Variants in RAB2A observed in about 807,000 individuals in gnomAD.
The protein encoded by RAB2A is ras-related protein Rab-2A.
In RAB2A, 7 loss-of-function variants were observed where a neutral mutation model predicts 32.5. That is an observed-to-expected ratio of 0.22 (90% CI 0.12 to 0.40). RAB2A has a LOEUF of 0.40. Ranked by LOEUF, RAB2A falls within the 10% of genes least tolerant of loss-of-function variation. The pLI, the probability that RAB2A is intolerant of heterozygous loss-of-function variation, is 1.00. For synonymous variants in RAB2A, 79 were observed against 85.2 expected (o/e 0.93, Z 0.40); for missense variants, 108 against 260.7 (o/e 0.41, Z 4.03).
At chr8:60,546,467 GGA>G (rs1468664031) in intron 1 of RAB2A, among the ~76,000 whole-genome samples, 2 of 152,150 alleles carry the variant, frequency 1.3e-5, no homozygotes, top group Non-Finnish European at 2.9e-5. Context: ...CTCCAAACAG[GGA>G]GAGAGGGCTG....
At chr8:60,612,964 C>T (rs543848670) in intron 6 of RAB2A, among the ~76,000 whole-genome samples, 216 of 152,282 alleles carry the variant, frequency 1.4e-3, no homozygotes, top group Non-Finnish European at 2.5e-3. Flanking sequence ...ACGAGTTTTT[C>T]TTCACTGACC....
chr8:60,605,788 GCTAA>G (rs898210966), intron 6 of RAB2A, among the ~76,000 whole-genome samples: 1 of 147,666 alleles, frequency 6.8e-6, no homozygotes, highest in South Asian at 2.1e-4. Context: ...CTTGAAAGTA[GCTAA>G]CTATTTATTT....
intron 1 of RAB2A, among the ~76,000 whole-genome samples, chr8:60,518,584 A>T (rs2130801841): frequency 9.2e-6 from 1 of 108,468 alleles, no homozygotes; most frequent in Non-Finnish European, 1.7e-5. Flanking sequence ...TGAGCCCGGA[A>T]GGTGGAGTTT....
At chr8:60,573,085 T>TCAGC (rs55755153) in intron 3 of RAB2A, among the ~76,000 whole-genome samples, 1 of 151,742 alleles carries the variant, frequency 6.6e-6, no homozygotes, top group Non-Finnish European at 1.5e-5. Flanking sequence ...ACACAAATAG[T>TCAGC]TGGGAAATGG....
intron 1 of RAB2A, among the ~76,000 whole-genome samples, chr8:60,530,200 GT>G: frequency 6.7e-6 from 1 of 148,936 alleles, no homozygotes; most frequent in Non-Finnish European, 1.5e-5. Context: ...CCAGGCTGGA[GT>G]GCAGTGACAC....
chr8:60,562,385 C>G (rs577053806), intron 2 of RAB2A, among the ~76,000 whole-genome samples: 19 of 152,288 alleles, frequency 1.2e-4, no homozygotes, highest in African/African-American at 4.3e-4. Flanking sequence ...GAAGTCCCAT[C>G]TTTTTACCTG....
chr8:60,620,923 G>T lies in RAB2A; in HGVS notation c.*154G>T. ...AATTCTTGTATAACTTTGAATAAAT[G>T]GTTAATGTTCACTTAAAAGACAGAT... is the stretch of plus-strand genomic sequence containing the variant. On this transcript the variant is annotated 3_prime_UTR_variant, in exon 8 of 8. Transcript: ENST00000262646. The T allele has an allele frequency of 6.8e-6, 4 of 591,414 alleles. No homozygotes were observed. The highest frequency in any genetic ancestry group is 5.0e-5 in the South Asian group (2 of 40,270). 36.6% of individuals were successfully genotyped at this position (591,414 alleles called of 1,614,324 possible).
chr8:60,620,371 T>G (rs1308942612), intron 7 of RAB2A, among the ~76,000 whole-genome samples: 1 of 152,252 alleles, frequency 6.6e-6, no homozygotes, highest in African/African-American at 2.4e-5. Flanking sequence ...AAAGATTACT[T>G]GCAATAATTA....
chr8:60,591,242 G>T (rs1803939118), intron 5 of RAB2A, among the ~76,000 whole-genome samples: 1 of 150,292 alleles, frequency 6.7e-6, no homozygotes, highest in Non-Finnish European at 1.5e-5. Flanking sequence ...TGCTTTCATT[G>T]GAAATTTCTA....
chr8:60,546,565 C>G (rs1243904643), intron 1 of RAB2A, among the ~76,000 whole-genome samples: 4 of 152,196 alleles, frequency 2.6e-5, no homozygotes, highest in Non-Finnish European at 4.4e-5. Context: ...GAGGAAACTT[C>G]AAGTGAAGAA....
intron 1 of RAB2A, among the ~76,000 whole-genome samples, chr8:60,546,276 A>G (rs909557042): frequency 6.6e-6 from 1 of 152,182 alleles, no homozygotes; most frequent in Non-Finnish European, 1.5e-5. Flanking sequence ...TCTCAAACCT[A>G]TCAGGTTTAA....
chr8:60,565,108 C>G (rs920593348), intron 2 of RAB2A, among the ~76,000 whole-genome samples: 4 of 152,192 alleles, frequency 2.6e-5, no homozygotes, highest in African/African-American at 4.8e-5. Context: ...ACCTATCTCT[C>G]CCACTTCCTT....
intron 3 of RAB2A, among the ~76,000 whole-genome samples, chr8:60,582,507 C>A (rs1179580469): frequency 6.6e-6 from 1 of 152,072 alleles, no homozygotes; most frequent in Non-Finnish European, 1.5e-5. Flanking sequence ...TTTCTTGTTT[C>A]ACTTTTTTGT....
At chr8:60,566,996 C>T (rs961506298) in intron 2 of RAB2A, among the ~76,000 whole-genome samples, 1 of 152,160 alleles carries the variant, frequency 6.6e-6, no homozygotes, top group African/African-American at 2.4e-5. Context: ...TGGCCTCACA[C>T]CATTAATTAA....
intron 6 of RAB2A, among the ~76,000 whole-genome samples, chr8:60,617,537 T>G (rs755352014): frequency 2.6e-5 from 4 of 152,152 alleles, no homozygotes; most frequent in African/African-American, 4.8e-5. Flanking sequence ...GGTCATGATG[T>G]TTTCTTTTGA....
chr8:60,568,900 C>T (rs941826897), intron 2 of RAB2A, among the ~76,000 whole-genome samples: 2 of 152,004 alleles, frequency 1.3e-5, no homozygotes, highest in African/African-American at 4.8e-5. Context: ...GAGAAGGAAA[C>T]CTTTCTAAAT....
intron 1 of RAB2A, among the ~76,000 whole-genome samples, chr8:60,541,488 A>G (rs1807644885): frequency 6.6e-6 from 1 of 152,222 alleles, no homozygotes; most frequent in Non-Finnish European, 1.5e-5. Context: ...CAGGAGTTCC[A>G]GATCAGCCTG....
intron 1 of RAB2A, among the ~76,000 whole-genome samples, chr8:60,526,018 T>TAC: frequency 1.8e-5 from 1 of 56,458 alleles, no homozygotes; most frequent in East Asian, 4.4e-4. Flanking sequence ...TGTGTGTGTG[T>TAC]ACATATATAT....
intron 1 of RAB2A, among the ~76,000 whole-genome samples, chr8:60,556,236 G>C (rs1024799533): frequency 2.6e-5 from 4 of 152,032 alleles, no homozygotes; most frequent in African/African-American, 9.7e-5. Context: ...GTGAGGATAG[G>C]GAGTGGTTGG....
Sources: gnomAD v4.1 joint callset for allele counts (sites outside exome capture counted in the v4.1 genomes callset) on GRCh38, gnomAD v4.1.1 for gene constraint, MANE v1.5 for transcripts, NCBI Gene and HGNC (gene_info 2026-07-23, HGNC 2026-07-21) for gene names.